PRXL2A: variants seen among roughly 807,000 people sequenced by gnomAD.
The protein encoded by PRXL2A is peroxiredoxin-like 2A.
PRXL2A carries 26 observed loss-of-function variants against 25.6 expected under a neutral mutation model. The observed-to-expected ratio is 1.02, with a 90% confidence interval of 0.74 to 1.41. The LOEUF is 1.41. Ranked by LOEUF, PRXL2A falls within the 40% of genes most tolerant of loss-of-function variation. The pLI is 0.00. For synonymous variants in PRXL2A, 98 were observed against 102.9 expected (o/e 0.95, Z 0.29); for missense variants, 246 against 273.9 (o/e 0.90, Z 0.72).
chr10:80,432,241 T>C lies in PRXL2A; in HGVS notation c.*142T>C. 1 of 576,032 alleles carries C rather than the reference T, an allele frequency of 1.7e-6. No homozygotes were observed. The highest frequency in any genetic ancestry group is 3.0e-6 in the Non-Finnish European group (1 of 333,786). 35.7% of individuals were successfully genotyped at this position (576,032 alleles called of 1,614,324 possible). ...TATGGATTATTAATGTATTTTAATA[T>C]TCTGTTTAGGCCCACTAAGGCAAAA... On this transcript the variant is annotated 3_prime_UTR_variant, in exon 6 of 6. Coordinates refer to ENST00000606162, the MANE Select transcript of PRXL2A (RefSeq NM_032333.5).
In PRXL2A at chr10:80,433,743, T is replaced by C. The variant is rs1432832077; in HGVS notation, c.*1644T>C. 1 of 152,254 alleles carries C rather than the reference T, an allele frequency of 6.6e-6. No individual in the cohort carries two copies. The highest frequency in any genetic ancestry group is 1.5e-5 in the Non-Finnish European group (1 of 68,056). The allele number at this position is 152,254 out of a possible 1,614,324, so 9.4% of individuals were successfully genotyped here. A position where few individuals can be genotyped will look rare whatever the true frequency, so the allele number is the denominator to read the frequency against. On this transcript the variant is annotated 3_prime_UTR_variant, in exon 6 of 6. Coordinates refer to ENST00000606162, the MANE Select transcript of PRXL2A (RefSeq NM_032333.5). The stretch of plus-strand genomic sequence containing the variant: ...TGCACAGGGTTGGTACCTGTCATCC[T>C]TGGGACTCCAGCTACTGATAGGATA...
intron 1 of PRXL2A, among the ~76,000 whole-genome samples, chr10:80,410,326 T>G (rs1844435508): frequency 6.6e-6 from 1 of 152,252 alleles, no homozygotes; most frequent in African/African-American, 2.4e-5. Context: ...GTCCTTTGCC[T>G]TCTCTGGCAC....
rs113391433 is a variant in PRXL2A, at chr10:80,430,990, C to T, written c.577-996C>T. The stretch of plus-strand genomic sequence containing the variant: ...CTGCAACCTCCGCCTCCCAGCCTCC[C>T]AGGTTCAAGGGATTATCCTGTTTCA... On this transcript the variant is annotated intron_variant, in intron 5 of 5. Transcript: ENST00000606162. Among the ~76,000 whole-genome samples, 1,353 of 152,232 alleles carry T rather than the reference C, an allele frequency of 8.9e-3. 22 individuals are homozygous for T. The highest frequency in any genetic ancestry group is 0.031 in the African/African-American group (1,287 of 41,530).
intron 1 of PRXL2A, among the ~76,000 whole-genome samples, chr10:80,414,931 C>CT (rs1305714656): frequency 6.6e-6 from 1 of 152,192 alleles, no homozygotes; most frequent in African/African-American, 2.4e-5. Flanking sequence ...TTTGATTGTC[C>CT]TTTTTTGTGT....
intron 1 of PRXL2A, 124 bp from the exon 2 acceptor site, chr10:80,420,342 C>G: frequency 6.8e-7 from 1 of 1,466,810 alleles, no homozygotes; most frequent in Non-Finnish European, 9.0e-7. Context: ...GCCTGTGACA[C>G]TGCTGCTCCC....
At chr10:80,430,607 C>G (rs1157728333) in intron 5 of PRXL2A, among the ~76,000 whole-genome samples, 1 of 152,096 alleles carries the variant, frequency 6.6e-6, no homozygotes, top group African/African-American at 2.4e-5. Flanking sequence ...GATCGCACCA[C>G]TGAACTACAG....
chr10:80,431,607 C>T (rs984109012), intron 5 of PRXL2A, among the ~76,000 whole-genome samples: 3 of 152,300 alleles, frequency 2.0e-5, no homozygotes, highest in African/African-American at 7.2e-5. Context: ...CTGAGCTCCA[C>T]TTCCACACCT....
chr10:80,416,441 T>C (rs1265611157), intron 1 of PRXL2A, among the ~76,000 whole-genome samples: 1 of 152,088 alleles, frequency 6.6e-6, no homozygotes, highest in Non-Finnish European at 1.5e-5. Context: ...ATGTGGGTGA[T>C]GTTTGGGCAC....
chr10:80,430,595 A>G (rs1161453029), intron 5 of PRXL2A, among the ~76,000 whole-genome samples: 1 of 152,188 alleles, frequency 6.6e-6, no homozygotes, highest in Non-Finnish European at 1.5e-5. Flanking sequence ...GCAGTAAGCT[A>G]TGATCGCACC....
chr10:80,410,150 T>C (rs1844429497), intron 1 of PRXL2A, among the ~76,000 whole-genome samples: 1 of 152,264 alleles, frequency 6.6e-6, no homozygotes, highest in African/African-American at 2.4e-5. Flanking sequence ...ATAGGGCAGC[T>C]GTCCTGCCAG....
At chr10:80,412,686 A>T (rs1274340921) in intron 1 of PRXL2A, among the ~76,000 whole-genome samples, 1 of 152,158 alleles carries the variant, frequency 6.6e-6, no homozygotes, top group Non-Finnish European at 1.5e-5. Flanking sequence ...AGGAAGTGTT[A>T]TGTGTGCTGG....
chr10:80,434,413 G>C lies in PRXL2A; in HGVS notation c.*2314G>C, dbSNP rs1290060230. The C allele has an allele frequency of 6.6e-6, 1 of 152,180 alleles. No individual in the cohort carries two copies. Among genetic ancestry groups the C allele is most frequent in the Non-Finnish European group, 1.5e-5 (1 of 68,038 alleles). 9.4% of individuals were successfully genotyped at this position (152,180 alleles called of 1,614,324 possible). A position where few individuals can be genotyped will look rare whatever the true frequency, so the allele number is the denominator to read the frequency against. Reference sequence around the variant, plus strand: ...AGGGCTGTTTATGATAAGTCACTGAGGGAATGATAAATATTATGACACTGC... The same window carrying C: ...AGGGCTGTTTATGATAAGTCACTGACGGAATGATAAATATTATGACACTGC... On this transcript the variant is annotated 3_prime_UTR_variant, in exon 6 of 6. Coordinates refer to ENST00000606162, the MANE Select transcript of PRXL2A (RefSeq NM_032333.5).
At chr10:80,429,349 C>T (rs761290333) in intron 5 of PRXL2A, among the ~76,000 whole-genome samples, 8 of 152,196 alleles carry the variant, frequency 5.3e-5, no homozygotes, top group Non-Finnish European at 1.2e-4. Flanking sequence ...TGCTCAAGTA[C>T]ATGGTCTCAT....
intron 5 of PRXL2A, among the ~76,000 whole-genome samples, chr10:80,428,406 G>A (rs1405474777): frequency 6.6e-6 from 1 of 152,134 alleles, no homozygotes; most frequent in Non-Finnish European, 1.5e-5. Context: ...CACCTGTAAC[G>A]CCAGCACTTT....
Position 80,427,356 on chromosome 10 carries a change from C to T in PRXL2A, c.436C>T (p.Arg146Trp), listed in dbSNP as rs1306087709. The change falls in exon 5 of 6, where the codon CGG becomes TGG. Residue 146 changes from arginine to tryptophan, a missense_variant. Arg to Trp is a moderately radical substitution (Grantham distance 101). Transcript: ENST00000606162. ...EKKKFYGPQR[R>W]KMMFMGFIRL... The stretch of plus-strand genomic sequence containing the variant: ...GAAAAAGTTCTATGGTCCACAAAGG[C>T]GGAAGATGATGTTTATGGGATTTAT... The T allele has an allele frequency of 5.0e-6, 8 of 1,613,970 alleles. No individual in the cohort carries two copies. The highest frequency in any genetic ancestry group is 2.2e-5 in the East Asian group (1 of 44,860).
chr10:80,410,868 G>A (rs1844458534), intron 1 of PRXL2A, among the ~76,000 whole-genome samples: 1 of 152,180 alleles, frequency 6.6e-6, no homozygotes, highest in Non-Finnish European at 1.5e-5. Flanking sequence ...GGGGTGGGGG[G>A]CCCTACAGCT....
intron 5 of PRXL2A, among the ~76,000 whole-genome samples, chr10:80,431,040 G>A (rs1845239344): frequency 6.6e-6 from 1 of 152,118 alleles, no homozygotes; most frequent in South Asian, 2.1e-4. Flanking sequence ...TGGGACTAAA[G>A]GCTTGAGCTA....
Position 80,432,819 on chromosome 10 carries a change from T to G in PRXL2A, c.*720T>G, listed in dbSNP as rs1163669776. On this transcript the variant is annotated 3_prime_UTR_variant, in exon 6 of 6. Coordinates refer to ENST00000606162, the MANE Select transcript of PRXL2A (RefSeq NM_032333.5). ...ATGTGTGTTTTCTATTAATAATTGG[T>G]TATATGATGTCAAAGTAATACTTTC... 6.6e-6 allele frequency: 1 copy of G among 152,124 alleles called. No individual in the cohort carries two copies. The highest frequency in any genetic ancestry group is 1.5e-5 in the Non-Finnish European group (1 of 68,020). The allele number at this position is 152,124 out of a possible 1,614,324, so 9.4% of individuals were successfully genotyped here. A position where few individuals can be genotyped will look rare whatever the true frequency, so the allele number is the denominator to read the frequency against.
chr10:80,420,147 G>T, intron 1 of PRXL2A: 1 of 1,024,234 alleles, frequency 9.8e-7, no homozygotes, highest in Non-Finnish European at 1.2e-6. Context: ...CAGCTCCACA[G>T]AGCTAGGGGC....
Sources: gnomAD v4.1 joint callset for allele counts (sites outside exome capture counted in the v4.1 genomes callset) on GRCh38, gnomAD v4.1.1 for gene constraint, MANE v1.5 for transcripts, NCBI Gene and HGNC (gene_info 2026-07-23, HGNC 2026-07-21) for gene names.